The following CCDC60 variants were observed in gnomAD, a reference collection of about 807,000 sequenced individuals.
CCDC60 encodes the protein coiled-coil domain containing 60.
Under a neutral mutation model 63.5 loss-of-function variants are expected in CCDC60, and 54 were observed. The observed-to-expected ratio is 0.85, with a 90% CI of 0.68 to 1.07. The LOEUF is 1.07. Among genes scored for constraint, CCDC60 ranks in the 50% least tolerant of loss-of-function variants. The probability of loss-of-function intolerance (pLI) is 0.00; values close to 1 mark genes in which losing one functional copy is unlikely to be tolerated. For missense variants in CCDC60, 651 were observed against 684.3 expected (o/e 0.95, Z 0.54); for synonymous variants, 206 against 238.8 (o/e 0.86, Z 1.27).
At chr12:119,526,823 T>C (rs139537964) in intron 11 of CCDC60, among the ~76,000 whole-genome samples, 15 of 152,296 alleles carry the variant, frequency 9.8e-5, no homozygotes, top group African/African-American at 3.1e-4. Context: ...GGAGTGTAAA[T>C]TAGTTCAACC....
At chr12:119,482,083 C>CATATAT (rs143208719) in intron 4 of CCDC60, among the ~76,000 whole-genome samples, 1 of 137,010 alleles carries the variant, frequency 7.3e-6, no homozygotes, top group African/African-American at 2.7e-5. Flanking sequence ...ACTACTCATC[C>CATATAT]ATATATATAT....
In CCDC60 at chr12:119,450,428, T is replaced by G. The variant is rs1163035210; in HGVS notation, c.171-21566T>G. ...ATCCATTAAAATTTTTTAAAAATTT[T>G]TAAAATAAAGGATGAGTAGAAGTTT... On this transcript the variant is annotated intron_variant, in intron 2 of 13. Coordinates refer to ENST00000327554, the MANE Select transcript of CCDC60 (RefSeq NM_178499.5). 2.0e-5 allele frequency among the ~76,000 whole-genome samples: 3 copies of G among 152,292 alleles called. No homozygotes were observed. In the East Asian group the frequency reaches 5.8e-4, roughly 29 times the overall value.
At chr12:119,390,202 C>A (rs75272463) in intron 1 of CCDC60, among the ~76,000 whole-genome samples, 2 of 152,158 alleles carry the variant, frequency 1.3e-5, no homozygotes, top group Admixed American at 6.5e-5. Context: ...CCATTCCTGC[C>A]GCCCAGAACA....
intron 1 of CCDC60, among the ~76,000 whole-genome samples, chr12:119,344,820 CTCTCTCTCTCTCTCTT>C (rs1307112224): frequency 7.1e-6 from 1 of 141,206 alleles, no homozygotes; most frequent in African/African-American, 2.6e-5. Context: ...AGAACATTCT[CTCTCTCTCTCTCTCTT>C]TCTCTCTCTC....
At chr12:119,523,614 G>C in intron 10 of CCDC60, 79 bp from the exon 11 acceptor site, 2 of 1,589,484 alleles carry the variant, frequency 1.3e-6, no homozygotes, top group Non-Finnish European at 1.7e-6. Flanking sequence ...TGGGGCTAAG[G>C]GGGGCCAGAG....
At chr12:119,400,589 G>T (rs1323054822) in intron 1 of CCDC60, among the ~76,000 whole-genome samples, 1 of 152,240 alleles carries the variant, frequency 6.6e-6, no homozygotes, top group African/African-American at 2.4e-5. Context: ...TCGCCTCCCA[G>T]TTGGGTTTAA....
chr12:119,379,352 G>A (rs1309326795), intron 1 of CCDC60, among the ~76,000 whole-genome samples: 6 of 152,286 alleles, frequency 3.9e-5, no homozygotes, highest in East Asian at 3.9e-4. Context: ...ATGTTGAAAG[G>A]GCTAGACTGG....
At chr12:119,378,403 T>A (rs1156832931) in intron 1 of CCDC60, among the ~76,000 whole-genome samples, 1 of 152,188 alleles carries the variant, frequency 6.6e-6, no homozygotes, top group African/African-American at 2.4e-5. Flanking sequence ...GGGGGCTGCC[T>A]TTTATTAAAA....
chr12:119,432,078 C>A (rs966501611), intron 2 of CCDC60, among the ~76,000 whole-genome samples: 1 of 152,160 alleles, frequency 6.6e-6, no homozygotes, highest in African/African-American at 2.4e-5. Flanking sequence ...AGATGGAGTT[C>A]GTTAAAAGTC....
intron 4 of CCDC60, 50 bp from the exon 5 acceptor site, chr12:119,488,709 A>G: frequency 1.3e-6 from 2 of 1,525,224 alleles, no homozygotes; most frequent in South Asian, 1.1e-5. Context: ...TTTTGCGAAG[A>G]AAGTTGTTCT....
chr12:119,445,052 C>T (rs960867332), intron 2 of CCDC60, among the ~76,000 whole-genome samples: 9 of 152,084 alleles, frequency 5.9e-5, no homozygotes, highest in African/African-American at 2.2e-4. Flanking sequence ...TGCACTTTAC[C>T]ATACAACTGG....
intron 2 of CCDC60, among the ~76,000 whole-genome samples, chr12:119,432,109 T>C (rs1278096779): frequency 1.3e-5 from 2 of 152,112 alleles, no homozygotes; most frequent in East Asian, 1.9e-4. Flanking sequence ...CATTGTCTGT[T>C]ACAATTTTGC....
At chr12:119,481,400 G>A (rs756446461) in intron 4 of CCDC60, among the ~76,000 whole-genome samples, 1 of 152,082 alleles carries the variant, frequency 6.6e-6, no homozygotes, top group Non-Finnish European at 1.5e-5. Flanking sequence ...ATCGTCTGGG[G>A]GTGGGGGAGA....
intron 1 of CCDC60, among the ~76,000 whole-genome samples, chr12:119,395,643 C>T (rs539520775): frequency 5.3e-5 from 8 of 152,268 alleles, no homozygotes; most frequent in African/African-American, 7.2e-5. Context: ...CATATCAGCA[C>T]GGTAATGAGT....
intron 1 of CCDC60, among the ~76,000 whole-genome samples, chr12:119,343,660 C>CTA (rs60934414): frequency 0.026 from 3,620 of 141,008 alleles, 71 homozygotes; most frequent in African/African-American, 0.054. Context: ...GAAAGGCAAA[C>CTA]TATATATATA....
rs550246347 is a variant in CCDC60 at position 119,434,533 on chromosome 12, G to T, written c.170+5771G>T. Among the ~76,000 whole-genome samples, 3 of 152,214 alleles carry T rather than the reference G, an allele frequency of 2.0e-5. No homozygotes were observed. The East Asian group carries it at 5.8e-4, about 29-fold the overall frequency. ...GTAAATAAGCAGAATTTGAAGGTGG[G>T]GATCTAAAACCAGGTGATGTATAAA... On this transcript the variant is annotated intron_variant, in intron 2 of 13. Coordinates refer to ENST00000327554, the MANE Select transcript of CCDC60 (RefSeq NM_178499.5).
chr12:119,436,624 C>T (rs966181788), intron 2 of CCDC60, among the ~76,000 whole-genome samples: 4 of 151,622 alleles, frequency 2.6e-5, no homozygotes, highest in South Asian at 2.1e-4. Context: ...CTGCAACCTC[C>T]GCCTCCCGGG....
chr12:119,396,836 A>G (rs1308852219), intron 1 of CCDC60, among the ~76,000 whole-genome samples: 2 of 152,222 alleles, frequency 1.3e-5, no homozygotes, highest in Non-Finnish European at 2.9e-5. Flanking sequence ...AGCTGTGATA[A>G]CACTGCATCC....
chr12:119,338,645 A>G (rs1395326257), intron 1 of CCDC60, among the ~76,000 whole-genome samples: 1 of 152,230 alleles, frequency 6.6e-6, no homozygotes, highest in Non-Finnish European at 1.5e-5. Flanking sequence ...CAGGGGCTAC[A>G]AAAATAAGGT....
Sources: allele counts gnomAD v4.1 joint callset (sites outside exome capture counted in the v4.1 genomes callset), GRCh38; gene constraint gnomAD v4.1.1; transcripts MANE v1.5; gene names NCBI Gene and HGNC (gene_info 2026-07-23, HGNC 2026-07-21).